NUP188: variants seen among roughly 807,000 people sequenced by gnomAD.
NUP188 encodes the protein nucleoporin NUP188.
A neutral mutation model predicts 223.0 loss-of-function variants in NUP188; 97 were observed. That is an observed-to-expected ratio of 0.43 (90% CI 0.37 to 0.51). The LOEUF is 0.51. NUP188 is among the 20% of genes least tolerant of loss of function. The probability of loss-of-function intolerance (pLI) is 0.00; values close to 1 mark genes in which losing one functional copy is unlikely to be tolerated. For synonymous variants in NUP188, 869 were observed against 828.0 expected, an observed-to-expected ratio of 1.05 and a Z score of -0.85; for missense variants, 1,947 against 2,175.6, an observed-to-expected ratio of 0.89 and a Z score of 2.09.
chr9:128,954,477 C>T (rs1243985867), intron 3 of NUP188, among the ~76,000 whole-genome samples: 8 of 151,442 alleles, frequency 5.3e-5, no homozygotes, highest in African/African-American at 1.5e-4. Flanking sequence ...CTCTGCCTCC[C>T]GGGTTCACGC....
Position 128,987,982 on chromosome 9 carries a change from A to C in NUP188, c.2394-65A>C, listed in dbSNP as rs1261025585. 3 of 1,536,310 alleles carry C rather than the reference A, an allele frequency of 2.0e-6. No individual in the cohort carries two copies. In the African/African-American group the frequency reaches 4.1e-5, roughly 21 times the overall value. On this transcript the variant is annotated intron_variant, in intron 23 of 43. Coordinates refer to ENST00000372577, the MANE Select transcript of NUP188 (RefSeq NM_015354.3). ...TTATTGTTGGAATCTAATTCATGAG[A>C]GCACATATATTGCGAATGAAGTCAT...
chr9:128,983,598 C>A, intron 19 of NUP188, 48 bp downstream of exon 19: 1 of 1,246,186 alleles, frequency 8.0e-7, no homozygotes, highest in Non-Finnish European at 1.2e-6. Flanking sequence ...GTGAGAACCA[C>A]ATATGTCTCA....
rs1340817891 is a variant in NUP188 at position 129,006,931 on chromosome 9, T to C, written c.*253T>C. On this transcript the variant is annotated 3_prime_UTR_variant, in exon 44 of 44. Coordinates refer to ENST00000372577, the MANE Select transcript of NUP188 (RefSeq NM_015354.3). ...CTGCAGACGCCCCCTAGAGGAACTT[T>C]CCTTCCTTTCCAGCATTCCCCACAG... The C allele has an allele frequency of 2.5e-6, 1 of 401,692 alleles. No homozygotes were observed. Among genetic ancestry groups the C allele is most frequent in the Non-Finnish European group, 4.4e-6 (1 of 225,506 alleles). 24.9% of individuals were successfully genotyped at this position (401,692 alleles called of 1,614,324 possible).
At chr9:128,988,211 A>G (rs1383425326) in intron 24 of NUP188, 25 bp downstream of exon 24, 2 of 1,612,862 alleles carry the variant, frequency 1.2e-6, no homozygotes, top group African/African-American at 2.7e-5. Context: ...TCCAGTCACA[A>G]CATGGTATGT....
At position 128,981,258 on chromosome 9, in the gene NUP188, T is replaced by G; in HGVS notation, c.1390-6T>G. Reference sequence around the variant, plus strand: ...AAATGTGTGATGGTTTTTTCTGTTTTGGCAGGTGTATAGCTTCTTGGATAA... The same window carrying G: ...AAATGTGTGATGGTTTTTTCTGTTTGGGCAGGTGTATAGCTTCTTGGATAA... On this transcript the variant is annotated splice_region_variant and splice_polypyrimidine_tract_variant and intron_variant, in intron 14 of 43. Transcript: ENST00000372577. 1 of 1,612,282 alleles carries G rather than the reference T, an allele frequency of 6.2e-7. No individual in the cohort carries two copies. The highest frequency in any genetic ancestry group is 8.5e-7 in the Non-Finnish European group (1 of 1,179,398).
At chr9:128,967,564 C>T (rs1258772047) in intron 8 of NUP188, among the ~76,000 whole-genome samples, 1 of 151,396 alleles carries the variant, frequency 6.6e-6, no homozygotes, top group Non-Finnish European at 1.5e-5. Flanking sequence ...CCAAGGTGGG[C>T]GGATCACCTG....
chr9:129,003,836 G>C (rs1047732271), intron 38 of NUP188: 2 of 317,964 alleles, frequency 6.3e-6, no homozygotes, highest in African/African-American at 4.5e-5. Flanking sequence ...AGCTGGGCGT[G>C]GTGGCACGTG....
intron 24 of NUP188, among the ~76,000 whole-genome samples, chr9:128,988,719 A>ATTTTTTTTTTTTTTTTTT (rs528821221): frequency 1.4e-5 from 1 of 72,868 alleles, no homozygotes; most frequent in Non-Finnish European, 2.6e-5. Flanking sequence ...TAATTTTTTA[A>ATTTTTTTTTTTTTTTTTT]TTTTTTTTTT....
intron 36 of NUP188, among the ~76,000 whole-genome samples, chr9:129,002,364 T>C (rs1187486948): frequency 6.6e-6 from 1 of 152,216 alleles, no homozygotes; most frequent in African/African-American, 2.4e-5. Flanking sequence ...AGAAGGGAAG[T>C]GGGTGGTCTG....
At chr9:129,003,228 G>A in intron 37 of NUP188, 89 bp from the exon 38 acceptor site, 2 of 1,464,916 alleles carry the variant, frequency 1.4e-6, no homozygotes, top group Non-Finnish European at 1.8e-6. Context: ...TGGGGGCCTG[G>A]GACGTTGCCT....
intron 12 of NUP188, among the ~76,000 whole-genome samples, chr9:128,975,819 A>G (rs370676771): frequency 6.3e-5 from 9 of 142,612 alleles, no homozygotes; most frequent in East Asian, 2.2e-4. Flanking sequence ...CACCAGGCCT[A>G]TGTTTATTTT....
At chr9:128,956,202 T>TGC (rs1554827619) in intron 3 of NUP188, 148 bp from the exon 4 acceptor site, 2 of 461,310 alleles carry the variant, frequency 4.3e-6, no homozygotes, top group Non-Finnish European at 7.6e-6. Flanking sequence ...TGTGTGTGTG[T>TGC]GTGTGTGTGC....
At chr9:128,969,010 C>A (rs1319145287) in intron 9 of NUP188, among the ~76,000 whole-genome samples, 1 of 152,182 alleles carries the variant, frequency 6.6e-6, no homozygotes, top group African/African-American at 2.4e-5. Flanking sequence ...CAAATGCTAA[C>A]AAGATAGTGA....
rs748309334 is a variant in NUP188 at position 128,993,528 on chromosome 9, T to C, written c.2851T>C (p.Phe951Leu). 1.9e-6 allele frequency: 3 copies of C among 1,614,150 alleles called. No individual in the cohort carries two copies. The highest frequency in any genetic ancestry group is 8.5e-7 in the Non-Finnish European group (1 of 1,180,020). Residue 951 changes from phenylalanine to leucine, a missense_variant, in exon 27 of 44, where the codon TTC (phenylalanine) becomes CTC (leucine). Physicochemically the swap from Phe to Leu is conservative, Grantham distance 22. This residue lies in a region of NUP188 where 225 missense variants were observed against 319.1 expected (regional missense o/e 0.71). Transcript: ENST00000372577. ...TCTTACCTGTCCCTTCTTGCAGGAA[T>C]TCAGCCTTGGGATGTGGAGCTGTCT... ...VKDGSDGSKEFSLGMWSCLHA... is the reference protein window; with the variant it reads ...VKDGSDGSKELSLGMWSCLHA...
Position 128,948,053 on chromosome 9 carries a change from C to T in NUP188, c.32+302C>T, listed in dbSNP as rs1841715371. 3 of 305,984 alleles carry T rather than the reference C, an allele frequency of 9.8e-6. No individual in the cohort carries two copies. The East Asian group carries it at 1.5e-4, about 15-fold the overall frequency. The allele number at this position is 305,984 out of a possible 1,614,324, so 19.0% of individuals were successfully genotyped here. ...CACCTCCGACGCGTCTCTTGGCGCC[C>T]CACCCGCGCTTCCTTCTCCGGCCGT... is the stretch of plus-strand genomic sequence containing the variant. On this transcript the variant is annotated intron_variant, in intron 1 of 43. Transcript: ENST00000372577.
intron 36 of NUP188, among the ~76,000 whole-genome samples, 183 bp from the exon 37 acceptor site, chr9:129,002,634 T>A (rs1842691705): frequency 6.6e-6 from 1 of 152,242 alleles, no homozygotes; most frequent in South Asian, 2.1e-4. Flanking sequence ...TGTCTCAGCC[T>A]GGTGCTCTTT....
chr9:128,977,900 C>G (rs1588279529), intron 12 of NUP188, among the ~76,000 whole-genome samples: 1 of 152,158 alleles, frequency 6.6e-6, no homozygotes, highest in Admixed American at 6.5e-5. Flanking sequence ...AGTCTACTTC[C>G]TCATACATTA....
chr9:128,948,989 T>G (rs1260371776), intron 1 of NUP188, 200 bp from the exon 2 acceptor site: 1 of 442,788 alleles, frequency 2.3e-6, no homozygotes, highest in Non-Finnish European at 4.1e-6. Context: ...CCTCCCAAAG[T>G]GCTGGGATTA....
intron 8 of NUP188, among the ~76,000 whole-genome samples, chr9:128,966,074 C>T (rs1442082905): frequency 3.3e-5 from 5 of 151,682 alleles, no homozygotes; most frequent in Non-Finnish European, 7.4e-5. Context: ...AGATTACAGG[C>T]GTGAACCACC....
Sources: allele counts gnomAD v4.1 joint callset (sites outside exome capture counted in the v4.1 genomes callset), GRCh38; gene constraint gnomAD v4.1.1; regional missense constraint gnomAD v4.1.1; transcripts MANE v1.5; gene names NCBI Gene and HGNC (gene_info 2026-07-23, HGNC 2026-07-21).